EXT2: variants seen among roughly 807,000 people sequenced by gnomAD.
The protein encoded by EXT2 is exostosin-2.
A neutral mutation model predicts 81.6 loss-of-function variants in EXT2; 53 were observed. The observed-to-expected ratio is 0.65, with a 90% CI of 0.52 to 0.82. The LOEUF (loss-of-function observed/expected upper bound fraction) is 0.82. Ranked by LOEUF, EXT2 falls within the 40% of genes least tolerant of loss-of-function variation. EXT2 has a pLI of 0.00. For missense variants in EXT2, 774 were observed against 910.2 expected (o/e 0.85, Z 1.93); for synonymous variants, 320 against 340.0 (o/e 0.94, Z 0.65).
At chr11:44,157,301 A>G (rs1384638094) in intron 7 of EXT2, among the ~76,000 whole-genome samples, 2 of 152,138 alleles carry the variant, frequency 1.3e-5, no homozygotes, top group African/African-American at 2.4e-5. Flanking sequence ...ATTCTGGCTT[A>G]TGTCCTCTGC....
chr11:44,229,523 C>T (rs752885997), intron 10 of EXT2, among the ~76,000 whole-genome samples: 39 of 152,156 alleles, frequency 2.6e-4, no homozygotes, highest in Non-Finnish European at 4.3e-4. Flanking sequence ...TCCCAGACCA[C>T]GCCCAAGACC....
intron 13 of EXT2, among the ~76,000 whole-genome samples, chr11:44,239,205 G>A (rs573223601): frequency 3.3e-5 from 5 of 152,162 alleles, no homozygotes; most frequent in African/African-American, 1.2e-4. Context: ...ATACCTTTAA[G>A]ATTTTGAGTG....
chr11:44,109,108 A>T, intron 2 of EXT2, 86 bp from the exon 3 acceptor site: 2 of 1,449,820 alleles, frequency 1.4e-6, no homozygotes, highest in Non-Finnish European at 1.9e-6. Context: ...GGGCTTGGGG[A>T]TCCTTGATAG....
rs1956118799 is a variant in EXT2, at chr11:44,249,004, T to G, written c.*4717T>G. Among the ~76,000 whole-genome samples the G allele has an allele frequency of 6.6e-6, 1 of 151,650 alleles. No homozygotes were observed. The highest frequency in any genetic ancestry group is 6.6e-5 in the Admixed American group (1 of 15,250). On this transcript the variant is annotated 3_prime_UTR_variant, in exon 14 of 14. Coordinates refer to ENST00000533608, the MANE Select transcript of EXT2 (RefSeq NM_207122.2). ...TGTTTGTTTGTTTTTGTTTTTTTTG[T>G]TTTTTCTTTGGAAACAGAGTCTCAC...
At chr11:44,223,704 G>A (rs1955807034) in intron 10 of EXT2, among the ~76,000 whole-genome samples, 1 of 149,598 alleles carries the variant, frequency 6.7e-6, no homozygotes, top group Admixed American at 6.7e-5. Context: ...GCGACAGAGT[G>A]TAGTGGCGTG....
intron 10 of EXT2, among the ~76,000 whole-genome samples, chr11:44,209,193 G>T (rs928140787): frequency 1.3e-5 from 2 of 152,202 alleles, no homozygotes; most frequent in Non-Finnish European, 2.9e-5. Flanking sequence ...GGATTCCCCA[G>T]TCTAGGTTGG....
At chr11:44,144,096 C>T in intron 7 of EXT2, 2 of 680,550 alleles carry the variant, frequency 2.9e-6, no homozygotes, top group South Asian at 3.6e-5. Flanking sequence ...ATCAAACAAA[C>T]TTACGCTTTC....
chr11:44,194,549 T>G (rs1026225385), intron 8 of EXT2, among the ~76,000 whole-genome samples: 1 of 152,194 alleles, frequency 6.6e-6, no homozygotes, highest in Non-Finnish European at 1.5e-5. Context: ...GAAATCAGAT[T>G]GCTTGAGTTG....
At chr11:44,137,361 A>G (rs994015596) in intron 7 of EXT2, among the ~76,000 whole-genome samples, 2 of 152,248 alleles carry the variant, frequency 1.3e-5, no homozygotes, top group South Asian at 4.1e-4. Flanking sequence ...TGGAGAGACC[A>G]TAAAGTTACT....
chr11:44,186,418 G>A (rs1350183943), intron 8 of EXT2, among the ~76,000 whole-genome samples: 1 of 152,208 alleles, frequency 6.6e-6, no homozygotes, highest in Non-Finnish European at 1.5e-5. Context: ...GCTGCAGCCA[G>A]ATGAGGGTTC....
intron 10 of EXT2, among the ~76,000 whole-genome samples, chr11:44,218,429 T>G (rs1337877016): frequency 6.6e-6 from 1 of 152,096 alleles, no homozygotes; most frequent in African/African-American, 2.4e-5. Context: ...CCAGCGGAGG[T>G]GCAGGCTGAG....
intron 10 of EXT2, among the ~76,000 whole-genome samples, chr11:44,225,110 A>G (rs1406687948): frequency 6.6e-6 from 1 of 152,164 alleles, no homozygotes; most frequent in African/African-American, 2.4e-5. Flanking sequence ...ACAGAATTAG[A>G]AAACCCACGA....
chr11:44,106,300 C>T (rs550510258), intron 1 of EXT2, among the ~76,000 whole-genome samples: 1 of 152,000 alleles, frequency 6.6e-6, no homozygotes, highest in African/African-American at 2.4e-5. Context: ...CCCTTTCTCC[C>T]TTCTCTCTCT....
chr11:44,159,960 A>G lies in EXT2; in HGVS notation c.1174-11651A>G, dbSNP rs180773259. 2.3e-3 allele frequency among the ~76,000 whole-genome samples: 343 copies of G among 152,348 alleles called. 1 individual carries two copies. The highest frequency in any genetic ancestry group is 4.0e-3 in the Non-Finnish European group (270 of 68,030). ...GGATAGGCTCTGATAAAACCCTAACAGGTTAGGCTCTTGTAAAATAGTTTC... is the reference window on the plus strand; with the variant it reads ...GGATAGGCTCTGATAAAACCCTAACGGGTTAGGCTCTTGTAAAATAGTTTC... On this transcript the variant is annotated intron_variant, in intron 7 of 13. Transcript: ENST00000533608.
At chr11:44,170,644 T>G (rs1955057846) in intron 7 of EXT2, among the ~76,000 whole-genome samples, 1 of 152,146 alleles carries the variant, frequency 6.6e-6, no homozygotes, top group Non-Finnish European at 1.5e-5. Flanking sequence ...TCTACAGGTG[T>G]TAAATGGATG....
rs148121594 is a variant in EXT2, at chr11:44,108,231, G to A, written c.519G>A (p.Ala173=). Residue 173 remains alanine, a synonymous_variant, in exon 2 of 14, where the codon GCG becomes GCA. Coordinates refer to ENST00000533608, the MANE Select transcript of EXT2 (RefSeq NM_207122.2). ...TGCGCATCAAGGAGACAGCACAAGC[G>A]ATGGCCCAGCTCTCTAGGTATCTCA... ...NTLRIKETAQ[A]MAQLSRWDRG... is the part of the protein sequence containing the mutation. The A allele has an allele frequency of 1.7e-5, 27 of 1,612,612 alleles. No homozygotes were observed. The African/African-American group carries it at 1.7e-4, about 10-fold the overall frequency.
intron 9 of EXT2, among the ~76,000 whole-genome samples, chr11:44,202,575 G>T (rs982553960): frequency 1.3e-5 from 2 of 152,168 alleles, no homozygotes; most frequent in African/African-American, 4.8e-5. Context: ...GGTTGTCAGG[G>T]TGATGTACCA....
chr11:44,218,339 C>T (rs1955742684), intron 10 of EXT2, among the ~76,000 whole-genome samples: 1 of 151,964 alleles, frequency 6.6e-6, no homozygotes, highest in African/African-American at 2.4e-5. Flanking sequence ...TACAGGGGAC[C>T]CATCATCATA....
intron 13 of EXT2, among the ~76,000 whole-genome samples, chr11:44,239,254 G>A (rs11037911): frequency 0.2 from 29,829 of 151,956 alleles, 3,210 homozygotes; most frequent in Middle Eastern, 0.25. Flanking sequence ...TTTAGGAGGA[G>A]ATGCTGATTA....
Sources: allele counts gnomAD v4.1 joint callset (sites outside exome capture counted in the v4.1 genomes callset), GRCh38; gene constraint gnomAD v4.1.1; transcripts MANE v1.5; gene names NCBI Gene and HGNC (gene_info 2026-07-23, HGNC 2026-07-21).